Variants in ARK2C observed in about 807,000 individuals in gnomAD.
ARK2C encodes E3 ubiquitin-protein ligase ARK2C.
chr18:46,450,850 G>T, the ARK2C span: 2 of 1,376,386 alleles, frequency 1.5e-6, no homozygotes, highest in South Asian at 2.4e-5. Flanking sequence ...GGGCAGGGGG[G>T]TTGTCTAATT....
the ARK2C span, among the ~76,000 whole-genome samples, chr18:46,435,746 C>T: frequency 6.6e-6 from 1 of 152,094 alleles, no homozygotes; most frequent in Non-Finnish European, 1.5e-5. Flanking sequence ...AGGAGAATTC[C>T]GAGGAACTGG....
At chr18:46,365,251 G>A in the ARK2C span, among the ~76,000 whole-genome samples, 1 of 152,062 alleles carries the variant, frequency 6.6e-6, no homozygotes, top group Non-Finnish European at 1.5e-5. Context: ...CTCCCATGTG[G>A]GCTCTTCAGA....
chr18:46,420,216 T>C, the ARK2C span, among the ~76,000 whole-genome samples: 1 of 152,148 alleles, frequency 6.6e-6, no homozygotes, highest in Non-Finnish European at 1.5e-5. Context: ...AGAAAAGCCA[T>C]GGTCCAAGCT....
At chr18:46,454,022 A>G in the ARK2C span, among the ~76,000 whole-genome samples, 1 of 139,030 alleles carries the variant, frequency 7.2e-6, no homozygotes, top group Non-Finnish European at 1.5e-5. Flanking sequence ...CTGAGGTGGG[A>G]GGATTGCTTA....
the ARK2C span, among the ~76,000 whole-genome samples, chr18:46,447,229 C>T: frequency 5.9e-5 from 9 of 152,240 alleles, no homozygotes; most frequent in Non-Finnish European, 1.2e-4. Context: ...TTCCATTACT[C>T]AGTGCCTCTG....
At chr18:46,352,886 T>C in the ARK2C span, among the ~76,000 whole-genome samples, 1 of 152,230 alleles carries the variant, frequency 6.6e-6, no homozygotes, top group Non-Finnish European at 1.5e-5. Flanking sequence ...TCTGCCTCAG[T>C]TGGTGCTTAG....
the ARK2C span, among the ~76,000 whole-genome samples, chr18:46,422,898 A>C: frequency 6.6e-6 from 1 of 152,170 alleles, no homozygotes; most frequent in Non-Finnish European, 1.5e-5. Context: ...AAATCCGCCT[A>C]CTGGAAAGAC....
At chr18:46,400,739 T>G in the ARK2C span, among the ~76,000 whole-genome samples, 1 of 152,152 alleles carries the variant, frequency 6.6e-6, no homozygotes, top group African/African-American at 2.4e-5. Flanking sequence ...TAGGTCTGAA[T>G]AGCCTAAATT....
the ARK2C span, chr18:46,457,700 C>G: frequency 6.5e-6 from 1 of 152,714 alleles, no homozygotes; most frequent in Non-Finnish European, 1.5e-5. Context: ...CACAAAGAGG[C>G]AACGTAGCCA....
the ARK2C span, among the ~76,000 whole-genome samples, chr18:46,353,567 C>A: frequency 6.6e-6 from 1 of 152,150 alleles, no homozygotes; most frequent in Non-Finnish European, 1.5e-5. Context: ...GGGATGTTAC[C>A]TAAAAACCCT....
the ARK2C span, among the ~76,000 whole-genome samples, chr18:46,376,948 G>T: frequency 1.3e-5 from 2 of 152,160 alleles, no homozygotes; most frequent in African/African-American, 4.8e-5. Flanking sequence ...GATTACAGGC[G>T]TAAGCCACAG....
At chr18:46,375,142 T>C in the ARK2C span, among the ~76,000 whole-genome samples, 7 of 151,968 alleles carry the variant, frequency 4.6e-5, no homozygotes, top group Non-Finnish European at 8.8e-5. Flanking sequence ...CCCTCCCAAC[T>C]CCCCCCGCCC....
the ARK2C span, among the ~76,000 whole-genome samples, chr18:46,445,301 T>G: frequency 2.6e-5 from 4 of 152,180 alleles, no homozygotes; most frequent in African/African-American, 9.7e-5. Context: ...ACTCTAGATC[T>G]TCCCGAATAA....
the ARK2C span, among the ~76,000 whole-genome samples, chr18:46,375,285 G>T: frequency 6.6e-6 from 1 of 152,008 alleles, no homozygotes; most frequent in African/African-American, 2.4e-5. Context: ...GGGCACAGTG[G>T]CTCACACCTG....
chr18:46,417,940 G>T, the ARK2C span, among the ~76,000 whole-genome samples: 1 of 151,974 alleles, frequency 6.6e-6, no homozygotes, highest in Admixed American at 6.5e-5. Context: ...GGAGGTGGAG[G>T]TTGCAGTGAG....
chr18:46,414,990 A>G, the ARK2C span, among the ~76,000 whole-genome samples: 1 of 152,220 alleles, frequency 6.6e-6, no homozygotes, highest in African/African-American at 2.4e-5. Flanking sequence ...TTCTCAGCTC[A>G]TGGACACTCC....
At chr18:46,355,354 G>T in the ARK2C span, among the ~76,000 whole-genome samples, 1 of 152,176 alleles carries the variant, frequency 6.6e-6, no homozygotes, top group Non-Finnish European at 1.5e-5. Flanking sequence ...AAGAGGACCA[G>T]CCTGGTTCTC....
the ARK2C span, among the ~76,000 whole-genome samples, chr18:46,341,396 C>A: frequency 6.6e-6 from 1 of 151,514 alleles, no homozygotes; most frequent in African/African-American, 2.4e-5. Flanking sequence ...GTGGAGTAAG[C>A]AGGATTGAGT....
the ARK2C span, among the ~76,000 whole-genome samples, chr18:46,345,990 C>T: frequency 0.67 from 101,349 of 151,994 alleles, 33,868 homozygotes; most frequent in East Asian, 0.74. Context: ...CTCGGTTTCT[C>T]GACTCTGAGG....
Sources: gnomAD v4.1 joint callset for allele counts (sites outside exome capture counted in the v4.1 genomes callset) on GRCh38, gnomAD v4.1.1 for gene constraint, MANE v1.5 for transcripts, NCBI Gene and HGNC (gene_info 2026-07-23, HGNC 2026-07-21) for gene names.